The following CEP170 variants were observed in gnomAD, a reference collection of about 807,000 sequenced individuals.
The protein encoded by CEP170 is centrosomal protein 170.
A neutral mutation model predicts 151.9 loss-of-function variants in CEP170; 21 were observed. The observed-to-expected ratio is 0.14, with a 90% CI of 0.10 to 0.20. CEP170 has a LOEUF of 0.20. CEP170 is among the 10% of genes least tolerant of loss of function. The pLI, the probability that CEP170 is intolerant of heterozygous loss-of-function variation, is 1.00. For synonymous variants in CEP170, 356 were observed against 648.8 expected, an observed-to-expected ratio of 0.55 and a Z score of 6.86; for missense variants, 964 against 1,892.9, an observed-to-expected ratio of 0.51 and a Z score of 9.11.
chr1:243,150,595 T>G (rs999038836), intron 14 of CEP170, among the ~76,000 whole-genome samples: 1 of 152,198 alleles, frequency 6.6e-6, no homozygotes, highest in Non-Finnish European at 1.5e-5. Context: ...TAAGCACAAA[T>G]AAGGTAAGCC....
At chr1:243,197,526 C>T (rs1204830577) in intron 7 of CEP170, among the ~76,000 whole-genome samples, 1 of 152,032 alleles carries the variant, frequency 6.6e-6, no homozygotes, top group Non-Finnish European at 1.5e-5. Context: ...GAACTTTTGG[C>T]AAAGTTCTTC....
chr1:243,159,657 C>T (rs1394044387), intron 13 of CEP170, among the ~76,000 whole-genome samples: 2 of 152,036 alleles, frequency 1.3e-5, no homozygotes, highest in East Asian at 1.9e-4. Flanking sequence ...AGAGGTCTTA[C>T]CTTGCTGAAA....
chr1:243,186,534 A>C, intron 8 of CEP170, 112 bp from the exon 9 acceptor site: 1 of 1,155,538 alleles, frequency 8.7e-7, no homozygotes, highest in Admixed American at 2.9e-5. Context: ...TTCAATCCAA[A>C]GTCATATGTT....
intron 12 of CEP170, among the ~76,000 whole-genome samples, chr1:243,167,297 T>C (rs2058511785): frequency 6.6e-6 from 1 of 151,990 alleles, no homozygotes; most frequent in South Asian, 2.1e-4. Flanking sequence ...ATTAAAAGAA[T>C]TTTAAAAATT....
At chr1:243,150,229 C>A (rs147277301) in intron 14 of CEP170, among the ~76,000 whole-genome samples, 2,900 of 152,258 alleles carry the variant, frequency 0.019, 92 homozygotes, top group African/African-American at 0.066. Flanking sequence ...CGGCTCACTG[C>A]AACCTCCGCT....
chr1:243,231,325 G>T (rs1334851671), intron 1 of CEP170, among the ~76,000 whole-genome samples: 1 of 151,236 alleles, frequency 6.6e-6, no homozygotes, highest in Non-Finnish European at 1.5e-5. Context: ...AAGACATTTG[G>T]GCTGCAATGA....
At chr1:243,168,066 T>C (rs2058567809) in intron 12 of CEP170, among the ~76,000 whole-genome samples, 2 of 152,028 alleles carry the variant, frequency 1.3e-5, no homozygotes. Flanking sequence ...TTAATAATTT[T>C]ATAACGGATT....
At chr1:243,232,743 T>A (rs768266268) in intron 1 of CEP170, among the ~76,000 whole-genome samples, 8 of 152,270 alleles carry the variant, frequency 5.3e-5, no homozygotes, top group Non-Finnish European at 1.2e-4. Context: ...TGGTAGTAGA[T>A]GCCATGACAG....
At chr1:243,214,632 C>A (rs567242172) in intron 3 of CEP170, among the ~76,000 whole-genome samples, 8 of 151,818 alleles carry the variant, frequency 5.3e-5, no homozygotes, top group African/African-American at 1.9e-4. Flanking sequence ...ACAAGAAGCA[C>A]CAGAAATAAT....
intron 14 of CEP170, among the ~76,000 whole-genome samples, chr1:243,142,668 G>A (rs1156959755): frequency 6.6e-6 from 1 of 151,988 alleles, no homozygotes; most frequent in Admixed American, 6.6e-5. Flanking sequence ...TAACCTACAA[G>A]ATATCACCTT....
chr1:243,240,413 G>C (rs1222422809), intron 1 of CEP170, among the ~76,000 whole-genome samples: 4 of 152,196 alleles, frequency 2.6e-5, no homozygotes, highest in Admixed American at 6.5e-5. Flanking sequence ...TGAAAGTGAA[G>C]CCGTTCACCA....
intron 8 of CEP170, among the ~76,000 whole-genome samples, chr1:243,189,689 TTTTG>T: frequency 6.6e-6 from 1 of 152,174 alleles, no homozygotes; most frequent in African/African-American, 2.4e-5. Context: ...TTACCTCAGT[TTTTG>T]TTTATTAAGA....
rs1374072242 is a variant in CEP170, at chr1:243,131,564, T to C, written c.4320-2111A>G. Among the ~76,000 whole-genome samples, 9 of 152,148 alleles carry C rather than the reference T, an allele frequency of 5.9e-5. No homozygotes were observed. The East Asian group carries it at 1.5e-3, about 26-fold the overall frequency. On this transcript the variant is annotated intron_variant, in intron 17 of 19. Transcript: ENST00000366542. ...ATAGAACAGATCTAAGAAGTCAAAC[T>C]TGTCATTTTGGCATTATGAAATAAA...
intron 1 of CEP170, among the ~76,000 whole-genome samples, chr1:243,239,685 C>T (rs2064627874): frequency 1.3e-5 from 2 of 152,172 alleles, no homozygotes; most frequent in Admixed American, 1.3e-4. Context: ...CAATCACTTC[C>T]CCCAGAAAAA....
intron 1 of CEP170, among the ~76,000 whole-genome samples, chr1:243,250,321 T>C (rs2065824863): frequency 2.0e-5 from 3 of 152,216 alleles, no homozygotes; most frequent in Non-Finnish European, 4.4e-5. Flanking sequence ...AGCTAATCCC[T>C]TGGATGACAG....
At chr1:243,172,241 C>T (rs534018724) in intron 11 of CEP170, among the ~76,000 whole-genome samples, 2 of 152,212 alleles carry the variant, frequency 1.3e-5, no homozygotes, top group African/African-American at 4.8e-5. Flanking sequence ...TGCAAAATTG[C>T]TTTAGGCTTT....
At chr1:243,245,929 G>A (rs2065344916) in intron 1 of CEP170, among the ~76,000 whole-genome samples, 1 of 151,218 alleles carries the variant, frequency 6.6e-6, no homozygotes, top group Non-Finnish European at 1.5e-5. Context: ...CTGGGTAACA[G>A]AGCGGGACCT....
Position 243,225,252 on chromosome 1 carries a change from C to T in CEP170, c.29G>A (p.Ser10Asn). 1 of 1,595,032 alleles carries T rather than the reference C, an allele frequency of 6.3e-7. No individual in the cohort carries two copies. The highest frequency in any genetic ancestry group is 1.1e-5 in the South Asian group (1 of 87,700). MSLTSWFLV[S>N]SGGTRHRLPR... ...CAGCCTGTGGCGAGTGCCTCCACTG[C>T]TCACCAAAAACCAGGATGTTAAGCT... The change falls in exon 2 of 20, where the codon AGC becomes AAC. Residue 10 changes from serine to asparagine, a missense_variant. Coordinates refer to ENST00000366542, the MANE Select transcript of CEP170 (RefSeq NM_014812.3).
intron 17 of CEP170, among the ~76,000 whole-genome samples, chr1:243,133,144 T>C (rs1239491984): frequency 6.6e-6 from 1 of 152,266 alleles, no homozygotes; most frequent in African/African-American, 2.4e-5. Context: ...CTCCTCATCA[T>C]TCAGGACTTA....
Sources: gnomAD v4.1 joint callset for allele counts (sites outside exome capture counted in the v4.1 genomes callset) on GRCh38, gnomAD v4.1.1 for gene constraint, MANE v1.5 for transcripts, NCBI Gene and HGNC (gene_info 2026-07-23, HGNC 2026-07-21) for gene names.